Variants in MTRR observed in about 807,000 individuals in gnomAD.
MTRR encodes the protein methionine synthase reductase.
A neutral mutation model predicts 79.2 loss-of-function variants in MTRR; 63 were observed. The ratio of observed to expected loss-of-function variants is 0.80; its 90% CI spans 0.65 to 0.98. The LOEUF is 0.98. Among genes scored for constraint, MTRR ranks in the 50% least tolerant of loss-of-function variants. The pLI is 0.00. For missense variants in MTRR, 895 were observed against 839.6 expected (o/e 1.07, Z -0.82); for synonymous variants, 355 against 313.3 (o/e 1.13, Z -1.41).
chr5:7,879,725 C>T (rs978752647), intron 5 of MTRR, among the ~76,000 whole-genome samples: 2 of 152,100 alleles, frequency 1.3e-5, no homozygotes, highest in African/African-American at 2.4e-5. Context: ...AGCTGAGCTG[C>T]GATGCAGTCT....
At chr5:7,857,742 G>A (rs1746292476) in intron 1 of MTRR, among the ~76,000 whole-genome samples, 2 of 152,274 alleles carry the variant, frequency 1.3e-5, no homozygotes, top group African/African-American at 2.4e-5. Context: ...TTCCTATTTG[G>A]CCCTAGAGCT....
intron 3 of MTRR, 111 bp downstream of exon 3, chr5:7,873,637 G>A: frequency 8.0e-7 from 1 of 1,256,008 alleles, no homozygotes; most frequent in Non-Finnish European, 1.1e-6. Context: ...TCTTTCTTAT[G>A]TAAATATTAT....
At chr5:7,853,069 C>G (rs112112268) in intron 1 of MTRR, among the ~76,000 whole-genome samples, 3,385 of 152,256 alleles carry the variant, frequency 0.022, 131 homozygotes, top group African/African-American at 0.077. Flanking sequence ...ACATCTTTTT[C>G]TTCTTGGATG....
intron 3 of MTRR, among the ~76,000 whole-genome samples, chr5:7,874,086 G>A (rs1348595493): frequency 6.6e-6 from 1 of 152,148 alleles, no homozygotes; most frequent in African/African-American, 2.4e-5. Context: ...GCTCCCAGGT[G>A]ATTCTAACAT....
chr5:7,896,784 T>C, intron 12 of MTRR, 80 bp from the exon 13 acceptor site: 2 of 1,064,470 alleles, frequency 1.9e-6, no homozygotes, highest in Non-Finnish European at 2.9e-6. Context: ...CTGAGTTTGT[T>C]GGTGGTAGTT....
At chr5:7,898,315 G>A (rs1406266881) in intron 14 of MTRR, among the ~76,000 whole-genome samples, 1 of 152,062 alleles carries the variant, frequency 6.6e-6, no homozygotes, top group African/African-American at 2.4e-5. Flanking sequence ...AATAGTAGAG[G>A]CAGAGTTCAT....
intron 1 of MTRR, among the ~76,000 whole-genome samples, chr5:7,854,326 G>T (rs1746162395): frequency 6.6e-6 from 1 of 151,646 alleles, no homozygotes; most frequent in African/African-American, 2.4e-5. Flanking sequence ...GAACTAATAG[G>T]ATGTATATAT....
intron 1 of MTRR, chr5:7,861,725 T>C (rs1329523678): frequency 1.9e-6 from 3 of 1,544,550 alleles, no homozygotes; most frequent in Non-Finnish European, 2.6e-6. Flanking sequence ...TTCATTCCTT[T>C]GCTTTGCTTT....
chr5:7,871,211 A>G, intron 2 of MTRR, among the ~76,000 whole-genome samples: 1 of 152,218 alleles, frequency 6.6e-6, no homozygotes, highest in East Asian at 1.9e-4. Context: ...GGCTGTGAGA[A>G]CAAGTGAGAT....
intron 6 of MTRR, chr5:7,885,124 T>G (rs1736201219): frequency 6.2e-6 from 1 of 160,334 alleles, no homozygotes; most frequent in Non-Finnish European, 1.4e-5. Flanking sequence ...ATGGGCCTAG[T>G]AATAGACTTG....
chr5:7,893,116 A>G (rs764214316), intron 11 of MTRR: 97 of 627,514 alleles, frequency 1.5e-4, no homozygotes, highest in South Asian at 2.4e-4. Flanking sequence ...TTCTGAATGT[A>G]TAAAGCATGA....
chr5:7,881,251 T>C (rs1729996727), intron 5 of MTRR, among the ~76,000 whole-genome samples: 1 of 152,140 alleles, frequency 6.6e-6, no homozygotes, highest in African/African-American at 2.4e-5. Context: ...GGGGGCATAG[T>C]GCTCTGTCGT....
In MTRR at chr5:7,878,005, A is replaced by G. The variant is rs556611332; in HGVS notation, c.463A>G (p.Arg155Gly). 1.2e-6 allele frequency: 2 copies of G among 1,613,754 alleles called. No individual in the cohort carries two copies. Among genetic ancestry groups the G allele is most frequent in the African/African-American group, 2.7e-5 (2 of 74,894 alleles). Reference protein sequence around the residue: ...GLWPALRKHFRSSRGQEEISG... With the variant: ...GLWPALRKHFGSSRGQEEISG... ...CTGGCCAGCCCTCAGAAAGCATTTT[A>G]GGTCAAGCAGAGGACAAGAGGAGAT... The change falls in exon 5 of 15, where the codon AGG becomes GGG. Residue 155 changes from arginine to glycine, a missense_variant. Transcript: ENST00000440940.
At chr5:7,868,191 G>A (rs1451384439), upstream of MTRR, 16 of 268,214 alleles carry the variant, frequency 6.0e-5, no homozygotes, top group South Asian at 3.1e-4. Context: ...AACTACAAAC[G>A]AGTATCTGGA....
chr5:7,867,627 T>C (rs1747091413), upstream of MTRR: 7 of 1,614,246 alleles, frequency 4.3e-6, no homozygotes, highest in Non-Finnish European at 5.1e-6. Flanking sequence ...TTCTCCAGTA[T>C]TTCTTTTGGC....
At chr5:7,875,963 C>G (rs1734490066) in intron 4 of MTRR, among the ~76,000 whole-genome samples, 2 of 152,210 alleles carry the variant, frequency 1.3e-5, no homozygotes, top group South Asian at 4.1e-4. Flanking sequence ...TCAAATCATC[C>G]TGATGTGTTT....
At chr5:7,867,595 G>A, upstream of MTRR, 2 of 1,614,228 alleles carry the variant, frequency 1.2e-6, no homozygotes, top group Non-Finnish European at 1.7e-6. Flanking sequence ...CAAACTGAAA[G>A]CATAAAGCTT....
intron 1 of MTRR, chr5:7,859,383 G>T: frequency 1.8e-6 from 2 of 1,127,530 alleles, no homozygotes; most frequent in South Asian, 1.5e-5. Flanking sequence ...TTTTAATACT[G>T]AGTTCCATAA....
chr5:7,866,167 C>G (rs1428788165), upstream of MTRR, among the ~76,000 whole-genome samples: 1 of 152,080 alleles, frequency 6.6e-6, no homozygotes, highest in Non-Finnish European at 1.5e-5. Context: ...AATTGACTTC[C>G]AAGAACCCAA....
Sources: allele counts gnomAD v4.1 joint callset (sites outside exome capture counted in the v4.1 genomes callset), GRCh38; gene constraint gnomAD v4.1.1; transcripts MANE v1.5; gene names NCBI Gene and HGNC (gene_info 2026-07-23, HGNC 2026-07-21).